Variants in ARHGAP5 observed in about 807,000 individuals in gnomAD.
The protein encoded by ARHGAP5 is Rho GTPase activating protein 5.
ARHGAP5 carries 23 observed loss-of-function variants against 116.6 expected under a neutral mutation model. The ratio of observed to expected loss-of-function variants is 0.20; its 90% confidence interval spans 0.14 to 0.28. The LOEUF (loss-of-function observed/expected upper bound fraction) is 0.28. Among genes scored for constraint, ARHGAP5 ranks in the 10% least tolerant of loss-of-function variants. The pLI is 1.00. For missense variants in ARHGAP5, 1,405 were observed against 1,774.8 expected, an observed-to-expected ratio of 0.79 and a Z score of 3.74; for synonymous variants, 574 against 602.0, an observed-to-expected ratio of 0.95 and a Z score of 0.68.
chr14:32,106,685 C>T (rs1216748579), intron 2 of ARHGAP5, among the ~76,000 whole-genome samples: 2 of 152,300 alleles, frequency 1.3e-5, no homozygotes, highest in South Asian at 4.1e-4. Flanking sequence ...GCAGTATGGC[C>T]TTTGCTGACC....
chr14:32,087,625 A>G (rs2041843171), intron 1 of ARHGAP5, among the ~76,000 whole-genome samples: 1 of 151,782 alleles, frequency 6.6e-6, no homozygotes, highest in African/African-American at 2.4e-5. Flanking sequence ...TTTTTCTGTC[A>G]CAGTTTGAAA....
In ARHGAP5 at chr14:32,154,949, G is replaced by C. The variant is rs754349379; in HGVS notation, c.*1G>C. On this transcript the variant is annotated 3_prime_UTR_variant, in exon 7 of 7. Transcript: ENST00000345122. ...AACGGATCCTCTTGGTATTATATGA[G>C]TAGGAAGTGATTGCAAACAGGCTGG... 6.2e-7 allele frequency: 1 copy of C among 1,605,782 alleles called. No individual in the cohort carries two copies. Among genetic ancestry groups the C allele is most frequent in the Admixed American group, 1.7e-5 (1 of 59,522 alleles).
At chr14:32,142,797 G>T (rs900107997) in intron 3 of ARHGAP5, among the ~76,000 whole-genome samples, 4 of 152,142 alleles carry the variant, frequency 2.6e-5, no homozygotes, top group Non-Finnish European at 4.4e-5. Flanking sequence ...ATTACTGGTT[G>T]TTGTAATTTT....
chr14:32,154,871 C>G lies in ARHGAP5; in HGVS notation c.4432C>G (p.Pro1478Ala). ...NPGQLVEPMV[P>A]LQLPPPLQPQ... ...AGGACAGTTGGTGGAACCAATGGTG[C>G]CACTTCAGTTGCCGCCACCATTGCA... is the stretch of plus-strand genomic sequence containing the variant. Residue 1478 changes from proline to alanine, a missense_variant, in exon 7 of 7, where the codon CCA becomes GCA. Pro to Ala is a conservative substitution (Grantham distance 27). Coordinates refer to ENST00000345122, the MANE Select transcript of ARHGAP5 (RefSeq NM_001030055.2). The G allele has an allele frequency of 6.2e-7, 1 of 1,614,092 alleles. No individual in the cohort carries two copies. Among genetic ancestry groups the G allele is most frequent in the Non-Finnish European group, 8.5e-7 (1 of 1,179,982 alleles).
chr14:32,147,276 C>T (rs143503962), intron 4 of ARHGAP5, among the ~76,000 whole-genome samples: 6 of 152,254 alleles, frequency 3.9e-5, no homozygotes, highest in Admixed American at 2.6e-4. Flanking sequence ...ATAGACTGGA[C>T]TATGTACATG....
At chr14:32,101,834 T>G (rs1878806050) in intron 2 of ARHGAP5, among the ~76,000 whole-genome samples, 1 of 151,972 alleles carries the variant, frequency 6.6e-6, no homozygotes, top group Non-Finnish European at 1.5e-5. Context: ...AATATAAAAA[T>G]TAGCCAGGCG....
chr14:32,146,922 A>T (rs775060812), intron 4 of ARHGAP5, among the ~76,000 whole-genome samples: 11 of 152,176 alleles, frequency 7.2e-5, no homozygotes, highest in Admixed American at 5.2e-4. Flanking sequence ...ATCAGATTAG[A>T]TATTTTATGG....
At chr14:32,106,024 G>C (rs1004155933) in intron 2 of ARHGAP5, among the ~76,000 whole-genome samples, 3 of 152,154 alleles carry the variant, frequency 2.0e-5, no homozygotes, top group African/African-American at 7.2e-5. Flanking sequence ...AAGGACATCA[G>C]GTCGTTCCAG....
Position 32,091,617 on chromosome 14 carries a change from A to G in ARHGAP5, c.948A>G (p.Arg316=). ...YINLEGTRKA[R]NTFSKHIEQL... is the part of the protein sequence containing the mutation. ...ACTTAGAGGGAACAAGAAAGGCCAG[A>G]AATACATTCTCAAAACATATAGAAC... Residue 316 remains arginine (R), a synonymous_variant, in exon 2 of 7, where the codon AGA becomes AGG. Transcript: ENST00000345122. The G allele has an allele frequency of 1.2e-6, 2 of 1,612,284 alleles. No homozygotes were observed. The highest frequency in any genetic ancestry group is 1.7e-6 in the Non-Finnish European group (2 of 1,178,938).
chr14:32,154,534 A>G (rs1594402926), intron 6 of ARHGAP5, 87 bp from the exon 7 acceptor site: 2 of 1,154,602 alleles, frequency 1.7e-6, no homozygotes, highest in Admixed American at 2.4e-5. Flanking sequence ...AAAAGGTAAC[A>G]TTAAATCTGA....
chr14:32,145,771 G>A (rs1881348727), intron 3 of ARHGAP5, among the ~76,000 whole-genome samples: 1 of 152,084 alleles, frequency 6.6e-6, no homozygotes, highest in Non-Finnish European at 1.5e-5. Context: ...TTTGTCAGGA[G>A]CTGAATGTCC....
intron 3 of ARHGAP5, among the ~76,000 whole-genome samples, chr14:32,133,359 A>C (rs535659655): frequency 4.9e-4 from 74 of 152,242 alleles, no homozygotes; most frequent in African/African-American, 1.6e-3. Context: ...TGTGAATGGG[A>C]GTTCACTCAT....
At chr14:32,132,314 T>G (rs1880547683) in intron 3 of ARHGAP5, among the ~76,000 whole-genome samples, 2 of 152,332 alleles carry the variant, frequency 1.3e-5, no homozygotes, top group South Asian at 4.1e-4. Flanking sequence ...GTGGTTTTGA[T>G]TTGCATTTCT....
At chr14:32,099,970 C>T (rs1878715321) in intron 2 of ARHGAP5, among the ~76,000 whole-genome samples, 1 of 152,106 alleles carries the variant, frequency 6.6e-6, no homozygotes, top group Non-Finnish European at 1.5e-5. Context: ...GGTAACAAAA[C>T]CTCTAAGATG....
At chr14:32,083,279 T>C (rs1052807684) in intron 1 of ARHGAP5, among the ~76,000 whole-genome samples, 1 of 152,254 alleles carries the variant, frequency 6.6e-6, no homozygotes, top group Non-Finnish European at 1.5e-5. Flanking sequence ...TAAAAGAATA[T>C]TTTGTGATAT....
In ARHGAP5 at chr14:32,155,861, A is replaced by G. The variant is rs916684432; in HGVS notation, c.*913A>G. 2.6e-5 allele frequency: 4 copies of G among 152,588 alleles called. No homozygotes were observed. The highest frequency in any genetic ancestry group is 5.9e-5 in the Non-Finnish European group (4 of 68,000). 9.5% of individuals were successfully genotyped at this position (152,588 alleles called of 1,614,324 possible). On this transcript the variant is annotated 3_prime_UTR_variant, in exon 7 of 7. Transcript: ENST00000345122. The stretch of plus-strand genomic sequence containing the variant: ...TAAGGTTATATAACTTTTCATACAT[A>G]AACATGAAATTTGTTGTAGAAAATT...
Position 32,155,583 on chromosome 14 carries a change from A to T in ARHGAP5, c.*635A>T, listed in dbSNP as rs925352037. On this transcript the variant is annotated 3_prime_UTR_variant, in exon 7 of 7. Coordinates refer to ENST00000345122, the MANE Select transcript of ARHGAP5 (RefSeq NM_001030055.2). ...AAATGAACCTATTTCTTTTACACAC[A>T]TACCAAGGACATGCTTGTGGCTAAA... The T allele has an allele frequency of 1.1e-4, 17 of 152,734 alleles. No individual in the cohort carries two copies. Among genetic ancestry groups the T allele is most frequent in the Admixed American group, 1.1e-3 (17 of 15,292 alleles). 9.5% of individuals were successfully genotyped at this position (152,734 alleles called of 1,614,324 possible). A position where few individuals can be genotyped will look rare whatever the true frequency, so the allele number is the denominator to read the frequency against.
At chr14:32,153,833 G>A (rs1881768027) in intron 6 of ARHGAP5, among the ~76,000 whole-genome samples, 1 of 151,596 alleles carries the variant, frequency 6.6e-6, no homozygotes, top group Admixed American at 6.6e-5. Flanking sequence ...ACTTTGGGGA[G>A]CTGGAGGCCA....
intron 1 of ARHGAP5, among the ~76,000 whole-genome samples, chr14:32,089,357 G>A (rs1461904391): frequency 6.6e-6 from 1 of 151,582 alleles, no homozygotes; most frequent in Non-Finnish European, 1.5e-5. Flanking sequence ...TCTTTATTTT[G>A]TCTGGATTGA....
Sources: allele counts gnomAD v4.1 joint callset (sites outside exome capture counted in the v4.1 genomes callset), GRCh38; gene constraint gnomAD v4.1.1; transcripts MANE v1.5; gene names NCBI Gene and HGNC (gene_info 2026-07-23, HGNC 2026-07-21).